The following AKT3 variants were observed in gnomAD, a reference collection of about 807,000 sequenced individuals.
AKT3 encodes AKT serine/threonine kinase 3.
Under a neutral mutation model 65.3 loss-of-function variants are expected in AKT3, and 15 were observed. The ratio of observed to expected loss-of-function variants is 0.23; its 90% CI spans 0.15 to 0.35. AKT3 has a LOEUF of 0.35. AKT3 is among the 10% of genes least tolerant of loss of function. The probability of loss-of-function intolerance (pLI) is 1.00; values close to 1 mark genes in which losing one functional copy is unlikely to be tolerated. For synonymous variants in AKT3, 206 were observed against 183.8 expected (o/e 1.12, Z -0.98); for missense variants, 243 against 576.5 (o/e 0.42, Z 5.92).
At chr1:243,783,051 T>G (rs866186030) in intron 2 of AKT3, among the ~76,000 whole-genome samples, 6 of 152,198 alleles carry the variant, frequency 3.9e-5, no homozygotes, top group African/African-American at 1.4e-4. Context: ...TGATAAAGCA[T>G]CTTTTATTAT....
Position 243,500,044 on chromosome 1 carries a change from G to A in AKT3, c.*5205C>T, listed in dbSNP as rs1216151809. 6 of 529,886 alleles carry A rather than the reference G, an allele frequency of 1.1e-5. No individual in the cohort carries two copies. The highest frequency in any genetic ancestry group is 2.9e-5 in the East Asian group (1 of 34,412). 32.8% of individuals were successfully genotyped at this position (529,886 alleles called of 1,614,324 possible). On this transcript the variant is annotated 3_prime_UTR_variant, in exon 14 of 14. Coordinates refer to ENST00000673466, the MANE Select transcript of AKT3 (RefSeq NM_005465.7). Reference sequence around the variant, plus strand: ...GTTATGTGTTTAAATCTGCTCATTCGTATGCTAGGTTATACATATGATTTT... The same window carrying A: ...GTTATGTGTTTAAATCTGCTCATTCATATGCTAGGTTATACATATGATTTT...
At chr1:243,680,498 C>T (rs1683834301) in intron 3 of AKT3, among the ~76,000 whole-genome samples, 2 of 152,112 alleles carry the variant, frequency 1.3e-5, no homozygotes, top group South Asian at 2.1e-4. Flanking sequence ...AAGAACGCCT[C>T]TGTATCTTTC....
chr1:243,770,734 G>GAA (rs5782267), intron 2 of AKT3, among the ~76,000 whole-genome samples: 3,156 of 138,952 alleles, frequency 0.023, 41 homozygotes, highest in Admixed American at 0.036. Flanking sequence ...ATTCTAAATA[G>GAA]AAAAAAAAAA....
chr1:243,555,470 A>G (rs1405431450), intron 10 of AKT3, among the ~76,000 whole-genome samples: 1 of 152,178 alleles, frequency 6.6e-6, no homozygotes, highest in African/African-American at 2.4e-5. Flanking sequence ...AAATTAACCA[A>G]TTCGAATCCA....
chr1:243,642,526 G>A (rs925711542), intron 5 of AKT3, among the ~76,000 whole-genome samples: 13 of 152,220 alleles, frequency 8.5e-5, no homozygotes, highest in South Asian at 2.1e-4. Flanking sequence ...AGCCAGGATG[G>A]TCTCGATCTC....
intron 10 of AKT3, among the ~76,000 whole-genome samples, chr1:243,555,368 G>A (rs1673339887): frequency 6.6e-6 from 1 of 152,078 alleles, no homozygotes. Flanking sequence ...GGATACATAT[G>A]TTCCCACTAT....
In AKT3 at chr1:243,572,950, T is replaced by C. The variant is rs1387611684; in HGVS notation, c.795A>G (p.Gly265=). The change falls in exon 9 of 14, where the codon GGA becomes GGG. Residue 265 remains glycine, a synonymous_variant. Transcript: ENST00000673466. ...CCTTGAGATCACGGTACACAATCTT[T>C]CCGGAATGTAGATAGTCCAAGGCAG... ...IVSALDYLHS[G]KIVYRDLKLE... 12 of 1,612,584 alleles carry C rather than the reference T, an allele frequency of 7.4e-6. No homozygotes were observed. The highest frequency in any genetic ancestry group is 1.0e-5 in the Non-Finnish European group (12 of 1,179,464).
intron 6 of AKT3, among the ~76,000 whole-genome samples, chr1:243,616,016 C>T (rs1678276686): frequency 6.6e-6 from 1 of 151,974 alleles, no homozygotes; most frequent in African/African-American, 2.4e-5. Context: ...GCAGAGACTA[C>T]AGGTTGTTTT....
chr1:243,557,024 T>A (rs556385556), intron 10 of AKT3, among the ~76,000 whole-genome samples: 1 of 152,144 alleles, frequency 6.6e-6, no homozygotes, highest in Non-Finnish European at 1.5e-5. Context: ...GTACGCTTTA[T>A]GGCCACCTCT....
chr1:243,663,986 A>G (rs1034948886), intron 4 of AKT3, among the ~76,000 whole-genome samples: 3 of 152,078 alleles, frequency 2.0e-5, no homozygotes, highest in African/African-American at 4.8e-5. Flanking sequence ...ATGACAGTCA[A>G]TGCTAATTAA....
intron 2 of AKT3, among the ~76,000 whole-genome samples, chr1:243,737,883 GAA>G (rs1198724310): frequency 6.6e-6 from 1 of 152,132 alleles, no homozygotes. Flanking sequence ...TGTAAATTAT[GAA>G]AAGATTCCAA....
At chr1:243,554,595 G>C (rs1218751674) in intron 10 of AKT3, among the ~76,000 whole-genome samples, 1 of 152,152 alleles carries the variant, frequency 6.6e-6, no homozygotes, top group African/African-American at 2.4e-5. Flanking sequence ...ACTGACTTTT[G>C]ATGATTCAAG....
intron 2 of AKT3, among the ~76,000 whole-genome samples, chr1:243,776,472 G>A (rs926886400): frequency 6.6e-6 from 1 of 152,072 alleles, no homozygotes; most frequent in Non-Finnish European, 1.5e-5. Context: ...AGACCCAAAA[G>A]AGCTTGCTCA....
chr1:243,587,353 G>A (rs1675884881), intron 8 of AKT3, among the ~76,000 whole-genome samples: 1 of 152,188 alleles, frequency 6.6e-6, no homozygotes, highest in East Asian at 1.9e-4. Flanking sequence ...GCTCACGCCT[G>A]TAATCCTAGC....
At chr1:243,649,102 T>C (rs540016797) in intron 4 of AKT3, among the ~76,000 whole-genome samples, 102 of 152,244 alleles carry the variant, frequency 6.7e-4, no homozygotes, top group Middle Eastern at 3.4e-3. Context: ...TTTTCATTAT[T>C]GTTCATTTAA....
At chr1:243,573,301 C>T (rs943912198) in intron 8 of AKT3, among the ~76,000 whole-genome samples, 2 of 152,090 alleles carry the variant, frequency 1.3e-5, no homozygotes, top group East Asian at 3.9e-4. Context: ...CCCATTTAAC[C>T]TTCAGTTACC....
At chr1:243,625,570 G>A (rs1679099324) in intron 6 of AKT3, among the ~76,000 whole-genome samples, 1 of 152,090 alleles carries the variant, frequency 6.6e-6, no homozygotes, top group Non-Finnish European at 1.5e-5. Flanking sequence ...GGAAAATTAT[G>A]CTGAAAAAAA....
intron 2 of AKT3, among the ~76,000 whole-genome samples, chr1:243,813,712 G>A (rs986272459): frequency 2.0e-5 from 3 of 152,152 alleles, no homozygotes; most frequent in Admixed American, 1.3e-4. Context: ...TAATGATACT[G>A]TGATTATGAA....
chr1:243,595,170 G>C (rs527418852), intron 8 of AKT3, among the ~76,000 whole-genome samples: 6 of 152,308 alleles, frequency 3.9e-5, no homozygotes, highest in African/African-American at 1.4e-4. Context: ...TCTAGGTACA[G>C]ACCTGTACAG....
Sources: allele counts gnomAD v4.1 joint callset (sites outside exome capture counted in the v4.1 genomes callset), GRCh38; gene constraint gnomAD v4.1.1; transcripts MANE v1.5; gene names NCBI Gene and HGNC (gene_info 2026-07-23, HGNC 2026-07-21).